RORA: variants seen among roughly 807,000 people sequenced by gnomAD.
RORA encodes nuclear receptor ROR-alpha.
RORA carries 7 observed loss-of-function variants against 69.5 expected under a neutral mutation model. That is an observed-to-expected ratio of 0.10 (90% CI 0.06 to 0.19). The LOEUF is 0.19. Ranked by LOEUF, RORA falls within the 10% of genes least tolerant of loss-of-function variation. RORA has a pLI of 1.00. For missense variants in RORA, 457 were observed against 663.0 expected, an observed-to-expected ratio of 0.69 and a Z score of 3.41; for synonymous variants, 261 against 240.8, an observed-to-expected ratio of 1.08 and a Z score of -0.78.
At chr15:60,781,538 T>A (rs1466227981) in intron 1 of RORA, among the ~76,000 whole-genome samples, 1 of 152,088 alleles carries the variant, frequency 6.6e-6, no homozygotes, top group African/African-American at 2.4e-5. Flanking sequence ...GTCATCTATT[T>A]ATCCCCTAAC....
At position 60,851,419 on chromosome 15, in the gene RORA, C is replaced by T. The variant is rs17270515; in HGVS notation, c.167-172733G>A. On this transcript the variant is annotated intron_variant, in intron 1 of 10. Coordinates refer to ENST00000335670, the MANE Select transcript of RORA (RefSeq NM_134261.3). ...TGGGTGTGAGCGTGAAAGGCCTCAACGGGGTTGCATGTGTTGGCAGCCAGG... is the reference window on the plus strand; with the variant it reads ...TGGGTGTGAGCGTGAAAGGCCTCAATGGGGTTGCATGTGTTGGCAGCCAGG... 8.6e-3 allele frequency among the ~76,000 whole-genome samples: 1,305 copies of T among 152,176 alleles called. 12 individuals carry two copies. The highest frequency in any genetic ancestry group is 0.041 in the Middle Eastern group (12 of 294).
intron 1 of RORA, among the ~76,000 whole-genome samples, chr15:60,777,427 C>G (rs2072185672): frequency 6.6e-6 from 1 of 152,154 alleles, no homozygotes; most frequent in African/African-American, 2.4e-5. Flanking sequence ...CTCTCTGGGC[C>G]TCAGTTTTTC....
chr15:60,822,407 C>T (rs908386715), intron 1 of RORA, among the ~76,000 whole-genome samples: 1 of 152,180 alleles, frequency 6.6e-6, no homozygotes, highest in African/African-American at 2.4e-5. Context: ...TCCCAGCTTC[C>T]CAGGTCAGGT....
intron 1 of RORA, among the ~76,000 whole-genome samples, chr15:60,993,308 T>G (rs1222651400): frequency 2.6e-5 from 4 of 152,126 alleles, no homozygotes; most frequent in Non-Finnish European, 5.9e-5. Flanking sequence ...CTGTCCCCCT[T>G]TTATAGACTG....
At chr15:61,178,107 G>T (rs1275000767) in intron 1 of RORA, among the ~76,000 whole-genome samples, 1 of 152,298 alleles carries the variant, frequency 6.6e-6, no homozygotes, top group African/African-American at 2.4e-5. Flanking sequence ...GTGTTACACT[G>T]GAAAGTGTGT....
intron 2 of RORA, among the ~76,000 whole-genome samples, chr15:60,604,504 ACT>A (rs1208408756): frequency 1.3e-5 from 2 of 151,806 alleles, no homozygotes; most frequent in Non-Finnish European, 2.9e-5. Context: ...CTGATTCGTC[ACT>A]CTCTTTTCAA....
At chr15:61,022,605 G>C (rs1247775794) in intron 1 of RORA, among the ~76,000 whole-genome samples, 1 of 152,112 alleles carries the variant, frequency 6.6e-6, no homozygotes, top group South Asian at 2.1e-4. Flanking sequence ...TCAGAGCCCC[G>C]CCGTGATAAA....
At position 60,724,164 on chromosome 15, in the gene RORA, G is replaced by T. The variant is rs535581377; in HGVS notation, c.167-45478C>A. Among the ~76,000 whole-genome samples, 10 of 152,062 alleles carry T rather than the reference G, an allele frequency of 6.6e-5. No homozygotes were observed. In the South Asian group the frequency reaches 2.1e-3, roughly 32 times the overall value. On this transcript the variant is annotated intron_variant, in intron 1 of 10. Coordinates refer to ENST00000335670, the MANE Select transcript of RORA (RefSeq NM_134261.3). ...ATTATAAGCCACCTCAAATCCTCTT[G>T]GGAAATAAAGGGGTCTAAATTCTTA...
intron 1 of RORA, among the ~76,000 whole-genome samples, chr15:60,751,827 C>T (rs2071727334): frequency 2.0e-5 from 3 of 152,136 alleles, no homozygotes; most frequent in South Asian, 4.1e-4. Flanking sequence ...CAAAAACAGG[C>T]CTCTAAGCTC....
chr15:61,188,598 T>G (rs1047675481), intron 1 of RORA, among the ~76,000 whole-genome samples: 1 of 152,032 alleles, frequency 6.6e-6, no homozygotes, highest in Non-Finnish European at 1.5e-5. Context: ...CTACCTCACA[T>G]TGTCTGAGTA....
At chr15:60,553,232 C>A (rs1463554210) in intron 2 of RORA, among the ~76,000 whole-genome samples, 1 of 152,156 alleles carries the variant, frequency 6.6e-6, no homozygotes, top group Non-Finnish European at 1.5e-5. Flanking sequence ...GGAATTACTG[C>A]TTTATCCTGG....
rs185719961 is a variant in RORA, at chr15:60,536,989, A to G, written c.197-5138T>C. Among the ~76,000 whole-genome samples, 36 of 152,384 alleles carry G rather than the reference A, an allele frequency of 2.4e-4. 1 individual carries two copies. In the East Asian group the frequency reaches 6.6e-3, roughly 28 times the overall value. On this transcript the variant is annotated intron_variant, in intron 2 of 10. Coordinates refer to ENST00000335670, the MANE Select transcript of RORA (RefSeq NM_134261.3). ...ATTACTTTTCTAAGCAGAAAAACCAATAAAGATTAAAAAGAAAAACCCTAA... is the reference window on the plus strand; with the variant it reads ...ATTACTTTTCTAAGCAGAAAAACCAGTAAAGATTAAAAAGAAAAACCCTAA...
intron 1 of RORA, among the ~76,000 whole-genome samples, chr15:61,145,223 T>C (rs771072651): frequency 2.4e-4 from 36 of 152,344 alleles, no homozygotes; most frequent in Non-Finnish European, 4.9e-4. Flanking sequence ...CTGGCAGTTG[T>C]TAACACTTTT....
At chr15:61,039,670 G>A (rs2140465625) in intron 1 of RORA, among the ~76,000 whole-genome samples, 1 of 151,396 alleles carries the variant, frequency 6.6e-6, no homozygotes, top group African/African-American at 2.4e-5. Flanking sequence ...ACTTGAACCT[G>A]GGAGGTGGAC....
At chr15:60,731,914 C>T (rs753861540) in intron 1 of RORA, among the ~76,000 whole-genome samples, 4 of 152,166 alleles carry the variant, frequency 2.6e-5, no homozygotes, top group African/African-American at 7.2e-5. Flanking sequence ...GAGGAGGACA[C>T]GTCCCAGGGA....
chr15:60,987,185 T>C (rs1894229768), intron 1 of RORA, among the ~76,000 whole-genome samples: 1 of 152,210 alleles, frequency 6.6e-6, no homozygotes, highest in Non-Finnish European at 1.5e-5. Flanking sequence ...GGGGTTATAA[T>C]GTCTCATTAT....
At chr15:60,710,866 C>A (rs78391967) in intron 1 of RORA, among the ~76,000 whole-genome samples, 1 of 151,870 alleles carries the variant, frequency 6.6e-6, no homozygotes, top group African/African-American at 2.4e-5. Context: ...ACCTCCAATC[C>A]TCTATGCTCC....
At chr15:61,079,190 T>C (rs1054092666) in intron 1 of RORA, among the ~76,000 whole-genome samples, 1 of 152,196 alleles carries the variant, frequency 6.6e-6, no homozygotes, top group Non-Finnish European at 1.5e-5. Flanking sequence ...TCCTCTTGCA[T>C]ATCTTATCTT....
intron 1 of RORA, among the ~76,000 whole-genome samples, chr15:60,730,890 T>C (rs1365058196): frequency 6.6e-6 from 1 of 152,180 alleles, no homozygotes; most frequent in African/African-American, 2.4e-5. Context: ...GACAGTATTT[T>C]CATTGTTTCT....
Sources: allele counts gnomAD v4.1 joint callset (sites outside exome capture counted in the v4.1 genomes callset), GRCh38; gene constraint gnomAD v4.1.1; transcripts MANE v1.5; gene names NCBI Gene and HGNC (gene_info 2026-07-23, HGNC 2026-07-21).